The following NCBP2 variants were observed in gnomAD, a reference collection of about 807,000 sequenced individuals.
The protein encoded by NCBP2 is nuclear cap-binding protein subunit 2.
A neutral mutation model predicts 21.5 loss-of-function variants in NCBP2; 8 were observed. The ratio of observed to expected loss-of-function variants is 0.37; its 90% CI spans 0.22 to 0.67. The LOEUF (loss-of-function observed/expected upper bound fraction) is 0.67. Among genes scored for constraint, NCBP2 ranks in the 30% least tolerant of loss-of-function variants. The probability of loss-of-function intolerance (pLI) is 0.56; values close to 1 mark genes in which losing one functional copy is unlikely to be tolerated. For missense variants in NCBP2, 127 were observed against 206.9 expected (o/e 0.61, Z 2.37); for synonymous variants, 92 against 75.8 (o/e 1.21, Z -1.11).
In NCBP2 at chr3:196,936,746, C is replaced by G. The variant is rs1716283942; in HGVS notation, c.*265G>C. 2 of 531,948 alleles carry G rather than the reference C, an allele frequency of 3.8e-6. No individual in the cohort carries two copies. The highest frequency in any genetic ancestry group is 6.8e-6 in the Non-Finnish European group (2 of 295,982). The allele number at this position is 531,948 out of a possible 1,614,324, so 33.0% of individuals were successfully genotyped here. A position where few individuals can be genotyped will look rare whatever the true frequency, so the allele number is the denominator to read the frequency against. ...TATGGCTAAAGACTAATCAACATTACAGATCCAATCTGTTGTCAAAGAACA... is the reference window on the plus strand; with the variant it reads ...TATGGCTAAAGACTAATCAACATTAGAGATCCAATCTGTTGTCAAAGAACA... On this transcript the variant is annotated 3_prime_UTR_variant, in exon 4 of 4. Transcript: ENST00000321256.
intron 1 of NCBP2, 38 bp from the exon 2 acceptor site, chr3:196,939,470 A>G: frequency 7.0e-7 from 1 of 1,427,652 alleles, no homozygotes; most frequent in Non-Finnish European, 9.6e-7. Context: ...AAGCAACTTC[A>G]GAGCCTTGCT....
Position 196,936,885 on chromosome 3 carries a change from T to C in NCBP2, c.*126A>G. On this transcript the variant is annotated 3_prime_UTR_variant, in exon 4 of 4. Transcript: ENST00000321256. Reference sequence around the variant, plus strand: ...CTGTCCTTTAATAACTTTCAGAGGCTTCCAGCTCAGTAAAGACACTGATCA... The same window carrying C: ...CTGTCCTTTAATAACTTTCAGAGGCCTCCAGCTCAGTAAAGACACTGATCA... 2 of 842,470 alleles carry C rather than the reference T, an allele frequency of 2.4e-6. No homozygotes were observed. The highest frequency in any genetic ancestry group is 4.0e-6 in the Non-Finnish European group (2 of 502,064). 52.2% of individuals were successfully genotyped at this position (842,470 alleles called of 1,614,324 possible).
chr3:196,939,113 A>G (rs977486373), intron 2 of NCBP2, 138 bp downstream of exon 2: 21 of 678,724 alleles, frequency 3.1e-5, no homozygotes, highest in Admixed American at 8.0e-5. Flanking sequence ...GCTTTACAGT[A>G]TAAGGGCAGA....
chr3:196,939,019 T>A (rs1164825253), intron 2 of NCBP2: 3 of 407,944 alleles, frequency 7.4e-6, no homozygotes, highest in Non-Finnish European at 1.3e-5. Flanking sequence ...TTTTTTTTTT[T>A]ACGTGAAGGG....
chr3:196,942,462 G>C lies in NCBP2; in HGVS notation c.42C>G (p.Tyr14Ter). 6.2e-7 allele frequency: 1 copy of C among 1,613,320 alleles called. No homozygotes were observed. Among genetic ancestry groups the C allele is most frequent in the Non-Finnish European group, 8.5e-7 (1 of 1,179,942 alleles). ...GLLKALRSDSYVELSQYRDQH... is the reference protein window; with the variant it reads ...GLLKALRSDS The stretch of plus-strand genomic sequence containing the variant: ...GGTCCCGGTACTGGCTCAGCTCCAC[G>C]TAGGAGTCGCTGCGCAGCGCCTTCA... Residue 14 changes from tyrosine (Y) to a stop codon, truncating the protein, a stop_gained, in exon 1 of 4, where the codon TAC becomes TAG. Transcript: ENST00000321256. LOFTEE classifies it high-confidence loss of function.
In NCBP2 at chr3:196,935,487, T is replaced by C. The variant is rs555732122; in HGVS notation, c.*1524A>G. 2 of 152,332 alleles carry C rather than the reference T, an allele frequency of 1.3e-5. No individual in the cohort carries two copies. Among genetic ancestry groups the C allele is most frequent in the South Asian group, 2.1e-4 (1 of 4,824 alleles). The allele number at this position is 152,332 out of a possible 1,614,324, so 9.4% of individuals were successfully genotyped here. A position where few individuals can be genotyped will look rare whatever the true frequency, so the allele number is the denominator to read the frequency against. Reference sequence around the variant, plus strand: ...CTGTCTCCTGTAGAAATCTGAGTTATGTTGTTTTACTACAAAAGAATATAA... The same window carrying C: ...CTGTCTCCTGTAGAAATCTGAGTTACGTTGTTTTACTACAAAAGAATATAA... On this transcript the variant is annotated 3_prime_UTR_variant, in exon 4 of 4. Transcript: ENST00000321256.
chr3:196,941,486 CCCT>C (rs1461083673), intron 1 of NCBP2: 1 of 182,018 alleles, frequency 5.5e-6, no homozygotes, highest in Non-Finnish European at 1.2e-5. Flanking sequence ...TCCACACTTA[CCCT>C]CTGCTATATG....
chr3:196,940,804 G>A (rs941510466), intron 1 of NCBP2, among the ~76,000 whole-genome samples: 3 of 152,236 alleles, frequency 2.0e-5, no homozygotes, highest in Non-Finnish European at 4.4e-5. Context: ...TGGTAGAAGT[G>A]CAAATCATGC....
intron 1 of NCBP2, 64 bp downstream of exon 1, chr3:196,942,351 CAATGAGACAAG>C: frequency 6.4e-7 from 1 of 1,561,352 alleles, no homozygotes; most frequent in East Asian, 2.4e-5. Flanking sequence ...GGAGGCGACA[CAATGAGACAAG>C]AGCAAACCGT....
At chr3:196,939,198 A>ACT (rs147785857) in intron 2 of NCBP2, 53 bp downstream of exon 2, 1 of 1,528,726 alleles carries the variant, frequency 6.5e-7, no homozygotes, top group South Asian at 1.1e-5. Context: ...ATGAGCTACC[A>ACT]CTCTCAGCTC....
chr3:196,941,645 G>C, intron 1 of NCBP2: 1 of 523,778 alleles, frequency 1.9e-6, no homozygotes, highest in African/African-American at 1.9e-5. Flanking sequence ...CTCGATAAAC[G>C]TTTACTAAAT....
rs189298613 is a variant in NCBP2, at chr3:196,936,685, T to G, written c.*326A>C. ...AAGACTCATTATGGTAAAAACAAATTCTTACATTTTTCTGTCTTTCTAAAA... is the reference window on the plus strand; with the variant it reads ...AAGACTCATTATGGTAAAAACAAATGCTTACATTTTTCTGTCTTTCTAAAA... On this transcript the variant is annotated 3_prime_UTR_variant, in exon 4 of 4. Transcript: ENST00000321256. 1.6e-4 allele frequency: 55 copies of G among 333,448 alleles called. No individual in the cohort carries two copies. The Middle Eastern group carries it at 4.7e-3, about 29-fold the overall frequency. The allele number at this position is 333,448 out of a possible 1,614,324, so 20.7% of individuals were successfully genotyped here.
chr3:196,940,172 C>G (rs1239123026), intron 1 of NCBP2: 1 of 152,224 alleles, frequency 6.6e-6, no homozygotes, highest in African/African-American at 2.4e-5. Flanking sequence ...TGAGACCAGC[C>G]TGGCTAACAT....
At chr3:196,938,618 A>G (rs1254560128) in intron 2 of NCBP2, 1 of 152,372 alleles carries the variant, frequency 6.6e-6, no homozygotes, top group African/African-American at 2.4e-5. Context: ...ATGAAATACT[A>G]TACAGCTATT....
chr3:196,939,604 C>T (rs1242415056), intron 1 of NCBP2, among the ~76,000 whole-genome samples, 172 bp from the exon 2 acceptor site: 1 of 152,204 alleles, frequency 6.6e-6, no homozygotes, highest in Non-Finnish European at 1.5e-5. Flanking sequence ...CTGTGAAGCA[C>T]TTATGCGAAG....
chr3:196,939,009 T>G (rs1716400394), intron 2 of NCBP2: 2 of 223,250 alleles, frequency 9.0e-6, no homozygotes, highest in South Asian at 6.6e-5. Flanking sequence ...CTTTGGAATT[T>G]TTTTTTTTTT....
chr3:196,937,342 T>C, intron 3 of NCBP2, 168 bp downstream of exon 3: 1 of 1,042,160 alleles, frequency 9.6e-7, no homozygotes, highest in Non-Finnish European at 1.4e-6. Flanking sequence ...CATTTCACGG[T>C]TTAAAAAAAA....
At chr3:196,939,897 C>T (rs1258986115) in intron 1 of NCBP2, 2 of 153,586 alleles carry the variant, frequency 1.3e-5, no homozygotes, top group African/African-American at 4.8e-5. Flanking sequence ...TGATGCTTTA[C>T]GTGCTCATAG....
At position 196,937,066 on chromosome 3, in the gene NCBP2, C is replaced by T. The variant is rs1433793609; in HGVS notation, c.416G>A (p.Arg139Gln). The T allele has an allele frequency of 1.2e-6, 2 of 1,614,128 alleles. No homozygotes were observed. The highest frequency in any genetic ancestry group is 1.7e-6 in the Non-Finnish European group (2 of 1,180,038). Reference protein sequence around the residue: ...RSGGQVRDEYRQDYDAGRGGY... With the variant: ...RSGGQVRDEYQQDYDAGRGGY... ...TCCTCTCCCAGCATCGTAGTCCTGC[C>T]GATACTCATCCCGAACCTTTAATGG... Residue 139 changes from arginine (R) to glutamine (Q), a missense_variant, in exon 4 of 4, where the codon CGG becomes CAG. Physicochemically the swap from Arg to Gln is conservative, Grantham distance 43. Coordinates refer to ENST00000321256, the MANE Select transcript of NCBP2 (RefSeq NM_007362.5).
Sources: gnomAD v4.1 joint callset for allele counts (sites outside exome capture counted in the v4.1 genomes callset) on GRCh38, gnomAD v4.1.1 for gene constraint, MANE v1.5 for transcripts, NCBI Gene and HGNC (gene_info 2026-07-23, HGNC 2026-07-21) for gene names.